SIN3A: variants seen among roughly 807,000 people sequenced by gnomAD.
SIN3A encodes SIN3 transcription regulator family member A, also known as paired amphipathic helix protein Sin3a.
SIN3A carries 14 observed loss-of-function variants against 146.1 expected under a neutral mutation model. The ratio of observed to expected loss-of-function variants is 0.10; its 90% CI spans 0.06 to 0.15. The LOEUF is 0.15. Among genes scored for constraint, SIN3A ranks in the 10% least tolerant of loss-of-function variants. SIN3A has a pLI of 1.00. For missense variants in SIN3A, 1,028 were observed against 1,576.0 expected (o/e 0.65, Z 5.89); for synonymous variants, 572 against 572.0 (o/e 1.00, Z 0.00).
chr15:75,448,348 CT>C (rs1387679688), intron 1 of SIN3A, among the ~76,000 whole-genome samples: 1 of 151,822 alleles, frequency 6.6e-6, no homozygotes, highest in Non-Finnish European at 1.5e-5. Flanking sequence ...AAGTACAAAA[CT>C]TAGCCAGGCG....
At position 75,401,983 on chromosome 15, in the gene SIN3A, A is replaced by G. The variant is rs2073419820; in HGVS notation, c.1408-13T>C. The G allele has an allele frequency of 6.5e-7, 1 of 1,533,536 alleles. No homozygotes were observed. Among genetic ancestry groups the G allele is most frequent in the South Asian group, 1.1e-5 (1 of 88,704 alleles). 95.0% of individuals were successfully genotyped at this position (1,533,536 alleles called of 1,614,324 possible). A position where few individuals can be genotyped will look rare whatever the true frequency, so the allele number is the denominator to read the frequency against. ...GAGCCTTTCGGACCTTATGGAGACA[A>G]CGGGAAGAAAAACAGTTTTTGTTTT... On this transcript the variant is annotated splice_polypyrimidine_tract_variant and intron_variant, in intron 9 of 20. Coordinates refer to ENST00000394947, the MANE Select transcript of SIN3A (RefSeq NM_001145358.2).
At chr15:75,410,975 C>A (rs1171718333) in intron 6 of SIN3A, among the ~76,000 whole-genome samples, 108 of 127,646 alleles carry the variant, frequency 8.5e-4, no homozygotes, top group Admixed American at 9.2e-4. Context: ...AACTCTGTCT[C>A]AAAAAAAAAA....
intron 9 of SIN3A, among the ~76,000 whole-genome samples, chr15:75,403,722 T>G (rs1005175545): frequency 3.3e-5 from 5 of 152,148 alleles, no homozygotes; most frequent in African/African-American, 1.2e-4. Flanking sequence ...TTTTTTGTAT[T>G]TTTAGTAGAG....
chr15:75,373,215 C>G (rs2072786233), intron 20 of SIN3A, among the ~76,000 whole-genome samples: 1 of 152,110 alleles, frequency 6.6e-6, no homozygotes, highest in African/African-American at 2.4e-5. Flanking sequence ...ACACACAACA[C>G]ATAGCAAAAA....
At chr15:75,409,782 C>T in intron 8 of SIN3A, 54 bp downstream of exon 8, 1 of 1,576,238 alleles carries the variant, frequency 6.3e-7, no homozygotes, top group Non-Finnish European at 8.7e-7. Flanking sequence ...TAGAGTACCT[C>T]TCCATTAGAA....
At position 75,371,870 on chromosome 15, in the gene SIN3A, G is replaced by A; in HGVS notation, c.*109C>T. On this transcript the variant is annotated 3_prime_UTR_variant, in exon 21 of 21. Coordinates refer to ENST00000394947, the MANE Select transcript of SIN3A (RefSeq NM_001145358.2). The stretch of plus-strand genomic sequence containing the variant: ...AGGTCAGGTGGCCATGTCCCAGAGA[G>A]GCCCAGTGAGGCTTGAAAGGCATCT... 3 of 968,328 alleles carry A rather than the reference G, an allele frequency of 3.1e-6. No homozygotes were observed. Among genetic ancestry groups the A allele is most frequent in the Non-Finnish European group, 4.7e-6 (3 of 633,710 alleles). The allele number at this position is 968,328 out of a possible 1,614,324, so 60.0% of individuals were successfully genotyped here.
upstream of SIN3A, chr15:75,453,111 A>G (rs1232614080): frequency 6.6e-6 from 1 of 152,250 alleles, no homozygotes; most frequent in East Asian, 1.9e-4. Flanking sequence ...CCCTCCTCCC[A>G]GAGAGCTAAG....
chr15:75,395,143 A>G (rs886874700), intron 13 of SIN3A, among the ~76,000 whole-genome samples: 12 of 152,202 alleles, frequency 7.9e-5, no homozygotes, highest in Admixed American at 2.6e-4. Context: ...TCTTTCAGGT[A>G]TAAGTATTCC....
chr15:75,401,130 G>C (rs536395542), intron 10 of SIN3A, among the ~76,000 whole-genome samples, 190 bp from the exon 11 acceptor site: 1 of 152,306 alleles, frequency 6.6e-6, no homozygotes, highest in South Asian at 2.1e-4. Context: ...ATCAGTTAAA[G>C]TGGTGATCAA....
intron 20 of SIN3A, among the ~76,000 whole-genome samples, chr15:75,374,292 G>T (rs1244645975): frequency 6.6e-6 from 1 of 152,138 alleles, no homozygotes; most frequent in Non-Finnish European, 1.5e-5. Context: ...GGTCAGGTTC[G>T]AGACCAGCCT....
Position 75,411,189 on chromosome 15 carries a change from G to A in SIN3A, c.1008+303C>T, listed in dbSNP as rs928629615. Among the ~76,000 whole-genome samples the A allele has an allele frequency of 9.9e-5, 15 of 152,086 alleles. No homozygotes were observed. In the East Asian group the frequency reaches 1.2e-3, roughly 12 times the overall value. On this transcript the variant is annotated intron_variant, in intron 6 of 20. Coordinates refer to ENST00000394947, the MANE Select transcript of SIN3A (RefSeq NM_001145358.2). ...TAACAATACAAAAAATTAGCTGGGC[G>A]TGGTGGGCGGAGCCTGTAATCCCAG...
intron 1 of SIN3A, among the ~76,000 whole-genome samples, chr15:75,451,201 C>T: frequency 6.9e-6 from 1 of 144,492 alleles, no homozygotes; most frequent in Non-Finnish European, 1.5e-5. Flanking sequence ...CGCGAGAGCC[C>T]GCCCCCCTCC....
chr15:75,445,957 A>G (rs2074299782), intron 1 of SIN3A, among the ~76,000 whole-genome samples: 1 of 152,146 alleles, frequency 6.6e-6, no homozygotes, highest in African/African-American at 2.4e-5. Context: ...CATGCTCAGC[A>G]TACTGCTTTG....
chr15:75,435,288 A>G (rs551589476), intron 1 of SIN3A, among the ~76,000 whole-genome samples: 6 of 152,300 alleles, frequency 3.9e-5, no homozygotes, highest in South Asian at 2.1e-4. Context: ...GAAAATCTAA[A>G]TATCTATCAG....
chr15:75,386,616 G>A (rs954313418), intron 16 of SIN3A, among the ~76,000 whole-genome samples: 5 of 152,182 alleles, frequency 3.3e-5, no homozygotes, highest in African/African-American at 7.2e-5. Context: ...GAGGCTGGAG[G>A]AGCCTGGAGC....
At chr15:75,406,911 A>G (rs2073527160) in intron 9 of SIN3A, 144 bp downstream of exon 9, 1 of 550,478 alleles carries the variant, frequency 1.8e-6, no homozygotes, top group Non-Finnish European at 3.2e-6. Context: ...AGCAGACTCA[A>G]AGGACTCACA....
At chr15:75,445,380 C>CAAA (rs10539996) in intron 1 of SIN3A, among the ~76,000 whole-genome samples, 72 of 63,576 alleles carry the variant, frequency 1.1e-3, no homozygotes, top group African/African-American at 2.0e-3. Context: ...GACACTGTCT[C>CAAA]AAAAAAAAAA....
At chr15:75,413,084 T>C (rs746953764) in intron 4 of SIN3A, 39 bp from the exon 5 acceptor site, 1 of 1,553,300 alleles carries the variant, frequency 6.4e-7, no homozygotes, top group Admixed American at 2.2e-5. Flanking sequence ...AACTGTAAGC[T>C]TAACAAACAC....
chr15:75,445,364 G>T (rs2074286405), intron 1 of SIN3A, among the ~76,000 whole-genome samples: 1 of 128,328 alleles, frequency 7.8e-6, no homozygotes, highest in Admixed American at 8.7e-5. Flanking sequence ...CTGGGCGACA[G>T]AGCGAGACAC....
Sources: allele counts gnomAD v4.1 joint callset (sites outside exome capture counted in the v4.1 genomes callset), GRCh38; gene constraint gnomAD v4.1.1; transcripts MANE v1.5; gene names NCBI Gene and HGNC (gene_info 2026-07-23, HGNC 2026-07-21).